MRTFB: variants seen among roughly 807,000 people sequenced by gnomAD.
MRTFB encodes the protein myocardin-related transcription factor B.
Under a neutral mutation model 104.2 loss-of-function variants are expected in MRTFB, and 29 were observed. The ratio of observed to expected loss-of-function variants is 0.28; its 90% confidence interval spans 0.21 to 0.38. The LOEUF (loss-of-function observed/expected upper bound fraction) is 0.38, where lower values mean the gene tolerates loss of function less well. MRTFB is among the 10% of genes least tolerant of loss of function. The pLI, the probability that MRTFB is intolerant of heterozygous loss-of-function variation, is 1.00. For synonymous variants in MRTFB, 535 were observed against 519.5 expected, an observed-to-expected ratio of 1.03 and a Z score of -0.41; for missense variants, 1,270 against 1,341.6, an observed-to-expected ratio of 0.95 and a Z score of 0.83.
chr16:14,010,415 C>A, the MRTFB span, among the ~76,000 whole-genome samples: 1 of 152,120 alleles, frequency 6.6e-6, no homozygotes, highest in Non-Finnish European at 1.5e-5. Context: ...TTCAAGCAAT[C>A]CCCCTGCCTC....
At chr16:14,238,393 T>C (rs895981524) in intron 9 of MRTFB, among the ~76,000 whole-genome samples, 6 of 151,946 alleles carry the variant, frequency 3.9e-5, no homozygotes, top group Non-Finnish European at 8.8e-5. Flanking sequence ...GTGAGGAACA[T>C]GTAAAGGTTG....
chr16:14,099,289 T>C (rs2035565111), intron 2 of MRTFB, among the ~76,000 whole-genome samples: 1 of 152,108 alleles, frequency 6.6e-6, no homozygotes. Context: ...ACATCTTTTG[T>C]CAGATTTATT....
chr16:14,186,120 A>G (rs563577825), intron 3 of MRTFB, among the ~76,000 whole-genome samples: 2 of 152,298 alleles, frequency 1.3e-5, no homozygotes, highest in African/African-American at 4.8e-5. Flanking sequence ...ACTAAGAAAA[A>G]CTGCTGCTTG....
the MRTFB span, among the ~76,000 whole-genome samples, chr16:13,995,643 T>C: frequency 6.6e-6 from 1 of 152,196 alleles, no homozygotes; most frequent in African/African-American, 2.4e-5. Context: ...GGCTCATGGT[T>C]CCACAGGCTG....
intron 8 of MRTFB, among the ~76,000 whole-genome samples, chr16:14,229,611 A>C (rs1267912867): frequency 6.6e-6 from 1 of 152,222 alleles, no homozygotes; most frequent in Non-Finnish European, 1.5e-5. Flanking sequence ...AACAGTGCAG[A>C]CATCTGAAAC....
chr16:14,085,682 T>C (rs4781567), intron 2 of MRTFB, among the ~76,000 whole-genome samples: 17,737 of 152,054 alleles, frequency 0.12, 2,305 homozygotes, highest in African/African-American at 0.32. Context: ...CACATTGTGT[T>C]TGAAGGAATG....
At chr16:14,102,444 C>T (rs145670213) in intron 2 of MRTFB, among the ~76,000 whole-genome samples, 1 of 152,214 alleles carries the variant, frequency 6.6e-6, no homozygotes, top group East Asian at 1.9e-4. Flanking sequence ...AGTTATCACT[C>T]GTACATGTTT....
chr16:14,045,084 C>T, the MRTFB span, among the ~76,000 whole-genome samples: 2 of 152,142 alleles, frequency 1.3e-5, no homozygotes, highest in South Asian at 2.1e-4. Context: ...AGTTTGAGAG[C>T]TACTGCACCC....
At chr16:13,999,512 AAAG>A in the MRTFB span, among the ~76,000 whole-genome samples, 32 of 151,914 alleles carry the variant, frequency 2.1e-4, 1 homozygote, top group East Asian at 3.9e-3. Flanking sequence ...AAAAAAAAAA[AAAG>A]AAAGAAAGAA....
chr16:14,184,933 CAT>C (rs1329209035), intron 3 of MRTFB, among the ~76,000 whole-genome samples: 2 of 152,326 alleles, frequency 1.3e-5, no homozygotes, highest in African/African-American at 4.8e-5. Context: ...CATACACAAT[CAT>C]AGCGACCACG....
At chr16:14,241,286 T>C (rs2042756733) in intron 10 of MRTFB, 1 of 153,068 alleles carries the variant, frequency 6.5e-6, no homozygotes, top group South Asian at 2.1e-4. Context: ...GACGAACAAC[T>C]GCGGAGAAGG....
chr16:14,087,239 G>C (rs1001295715), intron 2 of MRTFB, among the ~76,000 whole-genome samples: 2 of 152,148 alleles, frequency 1.3e-5, no homozygotes, highest in African/African-American at 4.8e-5. Flanking sequence ...GAAAGGGGAG[G>C]AGAGAACAGT....
chr16:14,252,557 A>G, intron 15 of MRTFB, 55 bp downstream of exon 15: 1 of 1,601,352 alleles, frequency 6.2e-7, no homozygotes, highest in Non-Finnish European at 8.5e-7. Flanking sequence ...GCCCACGTTC[A>G]GTCTCGAGCA....
the MRTFB span, among the ~76,000 whole-genome samples, chr16:14,023,610 CATACATATACAT>C: frequency 2.8e-5 from 3 of 106,912 alleles, no homozygotes; most frequent in Non-Finnish European, 3.9e-5. Context: ...CACACACACA[CATACATATACAT>C]ATACATATAC....
the MRTFB span, among the ~76,000 whole-genome samples, chr16:14,002,436 G>A: frequency 2.6e-5 from 4 of 151,066 alleles, no homozygotes; most frequent in Non-Finnish European, 5.9e-5. Context: ...TAATGACCTA[G>A]GCTAGCACCA....
At chr16:14,031,478 C>T in the MRTFB span, among the ~76,000 whole-genome samples, 3 of 151,700 alleles carry the variant, frequency 2.0e-5, no homozygotes, top group South Asian at 2.1e-4. Context: ...TTACTACGTA[C>T]TAGAAAAATA....
intron 2 of MRTFB, among the ~76,000 whole-genome samples, chr16:14,108,570 A>G (rs1262461178): frequency 6.6e-6 from 1 of 152,156 alleles, no homozygotes; most frequent in African/African-American, 2.4e-5. Context: ...CTGCGGGGGA[A>G]CTTGGCCACT....
intron 3 of MRTFB, among the ~76,000 whole-genome samples, chr16:14,184,920 T>C (rs1233757974): frequency 1.3e-5 from 2 of 152,210 alleles, no homozygotes; most frequent in Admixed American, 1.3e-4. Context: ...AAAATGTCTA[T>C]AGCATACACA....
At chr16:14,048,376 C>A in the MRTFB span, among the ~76,000 whole-genome samples, 1 of 152,190 alleles carries the variant, frequency 6.6e-6, no homozygotes. Flanking sequence ...TGAACAGAGA[C>A]CTCGTGACCC....
Sources: allele counts gnomAD v4.1 joint callset (sites outside exome capture counted in the v4.1 genomes callset), GRCh38; gene constraint gnomAD v4.1.1; transcripts MANE v1.5; gene names NCBI Gene and HGNC (gene_info 2026-07-23, HGNC 2026-07-21).